The following CNTN4 variants were observed in gnomAD, a reference collection of about 807,000 sequenced individuals.
The protein encoded by CNTN4 is contactin-4.
In CNTN4, 77 loss-of-function variants were observed where a neutral mutation model predicts 122.5. That is an observed-to-expected ratio of 0.63 (90% CI 0.52 to 0.76). CNTN4 has a LOEUF of 0.76. CNTN4 is among the 30% of genes least tolerant of loss of function. The probability of loss-of-function intolerance (pLI) is 0.00; values close to 1 mark genes in which losing one functional copy is unlikely to be tolerated. For synonymous variants in CNTN4, 512 were observed against 447.0 expected (o/e 1.15, Z -1.83); for missense variants, 1,256 against 1,259.1 (o/e 1.00, Z 0.04).
intron 4 of CNTN4, among the ~76,000 whole-genome samples, chr3:2,588,272 C>G (rs1476128153): frequency 6.6e-6 from 1 of 152,058 alleles, no homozygotes; most frequent in African/African-American, 2.4e-5. Context: ...ATGCTGGCAC[C>G]AAGTGAGACT....
At chr3:2,329,284 C>G (rs1298306860) in intron 2 of CNTN4, among the ~76,000 whole-genome samples, 8 of 152,162 alleles carry the variant, frequency 5.3e-5, no homozygotes, top group Non-Finnish European at 1.2e-4. Flanking sequence ...CTCTCACCAT[C>G]GTTTCTACTA....
At chr3:2,533,952 G>T (rs546798496) in intron 3 of CNTN4, among the ~76,000 whole-genome samples, 4 of 146,942 alleles carry the variant, frequency 2.7e-5, no homozygotes, top group East Asian at 2.0e-4. Context: ...CTTTTTGATG[G>T]TTTTTTTTTT....
At chr3:2,177,616 G>T (rs903693482) in intron 2 of CNTN4, among the ~76,000 whole-genome samples, 1 of 151,470 alleles carries the variant, frequency 6.6e-6, no homozygotes, top group Non-Finnish European at 1.5e-5. Context: ...ATATGCCAGG[G>T]CTCTTCAGAG....
chr3:2,770,031 GTTTGTTTT>G (rs2091022217), intron 6 of CNTN4, among the ~76,000 whole-genome samples: 2 of 138,930 alleles, frequency 1.4e-5, no homozygotes, highest in Admixed American at 1.4e-4. Flanking sequence ...TTGTTTGTTT[GTTTGTTTT>G]TTTTTTTTGA....
chr3:2,973,347 A>G (rs1471100395), intron 13 of CNTN4, among the ~76,000 whole-genome samples: 2 of 152,016 alleles, frequency 1.3e-5, no homozygotes, highest in Non-Finnish European at 2.9e-5. Context: ...AGTTTTACAG[A>G]AAAAGTAAAT....
intron 3 of CNTN4, among the ~76,000 whole-genome samples, chr3:2,489,786 T>C (rs2076262742): frequency 6.6e-6 from 1 of 152,224 alleles, no homozygotes; most frequent in South Asian, 2.1e-4. Context: ...CTTTTTCTTC[T>C]TCCCTTCCTT....
intron 4 of CNTN4, among the ~76,000 whole-genome samples, chr3:2,608,008 G>A (rs1163728163): frequency 1.3e-5 from 2 of 152,050 alleles, no homozygotes; most frequent in Admixed American, 1.3e-4. Flanking sequence ...CCTTGTGATT[G>A]GCTGAATCAT....
intron 13 of CNTN4, among the ~76,000 whole-genome samples, chr3:2,946,441 A>C (rs983892904): frequency 6.6e-6 from 1 of 152,192 alleles, no homozygotes; most frequent in Non-Finnish European, 1.5e-5. Context: ...ATGCTCATGT[A>C]ACGTCATGTC....
intron 20 of CNTN4, 53 bp downstream of exon 20, chr3:3,040,324 A>C: frequency 2.2e-6 from 3 of 1,362,312 alleles, no homozygotes; most frequent in Non-Finnish European, 3.1e-6. Flanking sequence ...TCAATTCTAA[A>C]ATGTGGATTG....
At chr3:2,118,101 G>A (rs2125178742) in intron 2 of CNTN4, among the ~76,000 whole-genome samples, 1 of 152,258 alleles carries the variant, frequency 6.6e-6, no homozygotes, top group African/African-American at 2.4e-5. Context: ...ATGTACCAAG[G>A]AAGTCACTAA....
At chr3:2,284,111 G>A (rs1032970340) in intron 2 of CNTN4, among the ~76,000 whole-genome samples, 1 of 151,970 alleles carries the variant, frequency 6.6e-6, no homozygotes, top group Non-Finnish European at 1.5e-5. Context: ...CCCAAAGAAG[G>A]AAAAAGAGCA....
At chr3:2,297,803 C>A (rs113966962) in intron 2 of CNTN4, among the ~76,000 whole-genome samples, 1 of 152,278 alleles carries the variant, frequency 6.6e-6, no homozygotes, top group African/African-American at 2.4e-5. Flanking sequence ...AATCACAGCT[C>A]ACTGCAGCCT....
chr3:2,627,949 T>C (rs2082275648), intron 4 of CNTN4, among the ~76,000 whole-genome samples: 1 of 152,252 alleles, frequency 6.6e-6, no homozygotes, highest in South Asian at 2.1e-4. Flanking sequence ...AAGTTGTAGT[T>C]ACCAAGTTTT....
At chr3:2,399,778 A>C (rs947083373) in intron 3 of CNTN4, among the ~76,000 whole-genome samples, 2 of 152,048 alleles carry the variant, frequency 1.3e-5, no homozygotes, top group African/African-American at 4.8e-5. Flanking sequence ...TGTTATATGG[A>C]TTCTAAGTGG....
chr3:2,627,360 T>G (rs2082231492), intron 4 of CNTN4, among the ~76,000 whole-genome samples: 2 of 152,188 alleles, frequency 1.3e-5, no homozygotes, highest in African/African-American at 4.8e-5. Context: ...AGCATCTGAT[T>G]TCATGAAGCT....
intron 4 of CNTN4, among the ~76,000 whole-genome samples, chr3:2,724,173 G>A (rs1328398536): frequency 6.6e-6 from 1 of 152,134 alleles, no homozygotes; most frequent in East Asian, 1.9e-4. Flanking sequence ...TGCCTAAGTT[G>A]AATGATTATG....
At chr3:2,174,043 A>C (rs563999796) in intron 2 of CNTN4, among the ~76,000 whole-genome samples, 15 of 152,276 alleles carry the variant, frequency 9.9e-5, no homozygotes, top group Admixed American at 9.2e-4. Context: ...AAGCAGCATC[A>C]GGTACAAGCT....
chr3:2,451,742 C>T (rs182507415), intron 3 of CNTN4, among the ~76,000 whole-genome samples: 1 of 152,098 alleles, frequency 6.6e-6, no homozygotes, highest in South Asian at 2.1e-4. Context: ...TTTTCATGGT[C>T]CCTTCATTAT....
At chr3:2,373,405 G>A (rs930801623) in intron 3 of CNTN4, among the ~76,000 whole-genome samples, 1 of 152,214 alleles carries the variant, frequency 6.6e-6, no homozygotes, top group Non-Finnish European at 1.5e-5. Flanking sequence ...CGTGAATCGA[G>A]TACGTACAAC....
Sources: allele counts gnomAD v4.1 joint callset (sites outside exome capture counted in the v4.1 genomes callset), GRCh38; gene constraint gnomAD v4.1.1; transcripts MANE v1.5; gene names NCBI Gene and HGNC (gene_info 2026-07-23, HGNC 2026-07-21).